The following PCDHGB1 variants were observed in gnomAD, a reference collection of about 807,000 sequenced individuals.
The protein encoded by PCDHGB1 is protocadherin gamma subfamily B, 1.
Under a neutral mutation model 56.6 loss-of-function variants are expected in PCDHGB1, and 34 were observed. The observed-to-expected ratio is 0.60, with a 90% confidence interval of 0.46 to 0.80. The LOEUF (loss-of-function observed/expected upper bound fraction) is 0.80, where lower values mean the gene tolerates loss of function less well. PCDHGB1 is among the 30% of genes least tolerant of loss of function. PCDHGB1 has a pLI of 0.00. For synonymous variants in PCDHGB1, 561 were observed against 505.9 expected (o/e 1.11, Z -1.46); for missense variants, 1,278 against 1,204.6 (o/e 1.06, Z -0.90).
At chr5:141,423,707 G>A in intron 1 of PCDHGB1, 1 of 1,164,238 alleles carries the variant, frequency 8.6e-7, no homozygotes, top group Non-Finnish European at 1.1e-6. Flanking sequence ...CTTGGCACAA[G>A]TCTTTTAAGG....
chr5:141,370,845 A>T, intron 1 of PCDHGB1: 1 of 1,614,066 alleles, frequency 6.2e-7, no homozygotes, highest in South Asian at 1.1e-5. Flanking sequence ...CACTGGAGCC[A>T]CATTTGCCCT....
chr5:141,404,429 G>A (rs760246804), intron 1 of PCDHGB1: 1 of 1,613,682 alleles, frequency 6.2e-7, no homozygotes, highest in East Asian at 2.2e-5. Flanking sequence ...CTCCTTGGCA[G>A]AGGATACCAT....
At chr5:141,461,063 C>T (rs1472437531) in intron 1 of PCDHGB1, among the ~76,000 whole-genome samples, 1 of 151,796 alleles carries the variant, frequency 6.6e-6, no homozygotes, top group Non-Finnish European at 1.5e-5. Flanking sequence ...GTTGGTTTCA[C>T]ATTTTTGCAA....
At chr5:141,393,524 C>T (rs1197723193) in intron 1 of PCDHGB1, 4 of 1,614,010 alleles carry the variant, frequency 2.5e-6, no homozygotes, top group South Asian at 2.2e-5. Context: ...ATACAAATGA[C>T]AATGCCCCGG....
At chr5:141,420,240 C>G (rs752339982) in intron 1 of PCDHGB1, 3 of 1,593,140 alleles carry the variant, frequency 1.9e-6, no homozygotes, top group Non-Finnish European at 2.6e-6. Context: ...ATTTTAACTC[C>G]CAGCGTTGAA....
At chr5:141,383,201 G>C in intron 1 of PCDHGB1, 3 of 1,614,000 alleles carry the variant, frequency 1.9e-6, no homozygotes, top group Non-Finnish European at 2.5e-6. Flanking sequence ...CAGAGTGCGC[G>C]GTGTCTGGTA....
intron 1 of PCDHGB1, chr5:141,376,333 G>A: frequency 6.2e-7 from 1 of 1,614,188 alleles, no homozygotes; most frequent in Non-Finnish European, 8.5e-7. Context: ...GGGCTTTCCT[G>A]CAGACCTATT....
chr5:141,393,735 G>T, intron 1 of PCDHGB1: 1 of 1,613,858 alleles, frequency 6.2e-7, no homozygotes, highest in Non-Finnish European at 8.5e-7. Context: ...AAAAAGTCTA[G>T]ATTATGAAGA....
At chr5:141,385,137 G>A in intron 1 of PCDHGB1, 1 of 1,614,232 alleles carries the variant, frequency 6.2e-7, no homozygotes, top group Non-Finnish European at 8.5e-7. Context: ...TGGACGGGGT[G>A]CAGGCTTTCC....
At chr5:141,366,253 C>T in intron 1 of PCDHGB1, 3 of 1,613,750 alleles carry the variant, frequency 1.9e-6, no homozygotes, top group Non-Finnish European at 1.7e-6. Flanking sequence ...TCAAGCAGAG[C>T]CTCGTGGTGG....
chr5:141,421,220 A>G (rs1178268746), intron 1 of PCDHGB1: 2 of 1,575,620 alleles, frequency 1.3e-6, no homozygotes, highest in Non-Finnish European at 1.7e-6. Flanking sequence ...ATCGGCTTAG[A>G]GCCTGCCATG....
In PCDHGB1 at chr5:141,351,499, C is replaced by A; in HGVS notation, c.1239C>A (p.Asp413Glu). ...CCCTAAACCGGGAGCAGACAGCAGA[C>A]TACAACGTCACAATCATAGCCACCG... ...AGALNREQTA[D>E]YNVTIIATDK... Residue 413 changes from aspartate to glutamate, a missense_variant, in exon 1 of 4, where the codon GAC becomes GAA. Asp to Glu is a conservative substitution (Grantham distance 45). Transcript: ENST00000523390. The A allele has an allele frequency of 6.2e-7, 1 of 1,614,022 alleles. No individual in the cohort carries two copies. Among genetic ancestry groups the A allele is most frequent in the Non-Finnish European group, 8.5e-7 (1 of 1,179,882 alleles).
Position 141,364,556 on chromosome 5 carries a change from G to A in PCDHGB1, c.2409+11887G>A, listed in dbSNP as rs917886359. On this transcript the variant is annotated intron_variant, in intron 1 of 3. Coordinates refer to ENST00000523390, the MANE Select transcript of PCDHGB1 (RefSeq NM_018922.3). The stretch of plus-strand genomic sequence containing the variant: ...CTCCAGAGGTAGGACGCAGCTTTTT[G>A]CCCTGAACCCGCGAAGCGGCAGCTT... 5 of 1,614,048 alleles carry A rather than the reference G, an allele frequency of 3.1e-6. No homozygotes were observed. In the Admixed American group the frequency reaches 8.3e-5, roughly 27 times the overall value.
At position 141,374,676 on chromosome 5, in the gene PCDHGB1, G is replaced by T. The variant is rs372705367; in HGVS notation, c.2409+22007G>T. ...AAGTACCCGGAGCTGGTGCTGGAGG[G>T]CACACTGGACCGGGAAGGAGAAGCC... On this transcript the variant is annotated intron_variant, in intron 1 of 3. Coordinates refer to ENST00000523390, the MANE Select transcript of PCDHGB1 (RefSeq NM_018922.3). 8 of 1,610,386 alleles carry T rather than the reference G, an allele frequency of 5.0e-6. No individual in the cohort carries two copies. The African/African-American group carries it at 1.1e-4, about 22-fold the overall frequency.
At chr5:141,446,837 T>G (rs2098518039) in intron 1 of PCDHGB1, among the ~76,000 whole-genome samples, 1 of 152,168 alleles carries the variant, frequency 6.6e-6, no homozygotes, top group South Asian at 2.1e-4. Flanking sequence ...CTTATAAGGC[T>G]GAGCATAATA....
intron 1 of PCDHGB1, chr5:141,372,020 C>T (rs534964155): frequency 1.2e-6 from 2 of 1,613,370 alleles, no homozygotes; most frequent in Admixed American, 1.7e-5. Context: ...CGCCTACGCT[C>T]AGCGCCAACG....
chr5:141,366,178 C>T (rs778986920), intron 1 of PCDHGB1: 3 of 1,614,044 alleles, frequency 1.9e-6, no homozygotes, highest in East Asian at 2.2e-5. Context: ...AGCCAGGACT[C>T]TTTGCGGTTG....
intron 1 of PCDHGB1, chr5:141,365,167 C>A (rs201444039): frequency 2.5e-5 from 41 of 1,613,832 alleles, no homozygotes; most frequent in Non-Finnish European, 3.4e-5. Flanking sequence ...AATTGACCTA[C>A]TCTTTTCGCA....
At chr5:141,384,192 C>G in intron 1 of PCDHGB1, 1 of 1,613,866 alleles carries the variant, frequency 6.2e-7, no homozygotes. Flanking sequence ...GAACTCCTCC[C>G]TTGTCCAGGG....
Sources: allele counts gnomAD v4.1 joint callset (sites outside exome capture counted in the v4.1 genomes callset), GRCh38; gene constraint gnomAD v4.1.1; transcripts MANE v1.5; gene names NCBI Gene and HGNC (gene_info 2026-07-23, HGNC 2026-07-21).